LYST: variants seen among roughly 807,000 people sequenced by gnomAD.
LYST encodes the protein lysosomal-trafficking regulator.
In LYST, 192 loss-of-function variants were observed where a neutral mutation model predicts 413.6. The observed-to-expected ratio is 0.46, with a 90% confidence interval of 0.41 to 0.52. The LOEUF is 0.52. Ranked by LOEUF, LYST falls within the 20% of genes least tolerant of loss-of-function variation. The probability of loss-of-function intolerance (pLI) is 0.00; values close to 1 mark genes in which losing one functional copy is unlikely to be tolerated. For missense variants in LYST, 3,815 were observed against 4,499.9 expected, an observed-to-expected ratio of 0.85 and a Z score of 4.35; for synonymous variants, 1,525 against 1,567.3, an observed-to-expected ratio of 0.97 and a Z score of 0.64.
rs1659445104 is a variant in LYST at position 235,677,153 on chromosome 1, C to A, written c.10976G>T (p.Ser3659Ile). Reference protein sequence around the residue: ...CYVQSLAGHKSPVTAVSASET... With the variant: ...CYVQSLAGHKIPVTAVSASET... The stretch of plus-strand genomic sequence containing the variant: ...ACTGGCAGAGACAGCTGTGACAGGG[C>A]TTTTGTGTCCCGCCAGACTTTGTAC... Residue 3659 changes from serine to isoleucine, a missense_variant, in exon 50 of 53, where the codon AGC becomes ATC. Ser to Ile is a moderately radical substitution (Grantham distance 142). Transcript: ENST00000389793. 5.6e-6 allele frequency: 9 copies of A among 1,613,766 alleles called. No homozygotes were observed. Among genetic ancestry groups the A allele is most frequent in the Non-Finnish European group, 7.6e-6 (9 of 1,179,856 alleles).
At chr1:235,701,395 C>T (rs1006794440) in intron 45 of LYST, among the ~76,000 whole-genome samples, 25 of 151,846 alleles carry the variant, frequency 1.6e-4, no homozygotes, top group Admixed American at 5.9e-4. Context: ...TTTGGGAGGC[C>T]GAGGCGGGCA....
At chr1:235,741,329 C>T in intron 31 of LYST, 93 bp downstream of exon 31, 3 of 1,068,818 alleles carry the variant, frequency 2.8e-6, no homozygotes, top group Non-Finnish European at 4.4e-6. Flanking sequence ...ATAAATTAGG[C>T]ATGAACATTC....
At chr1:235,707,971 T>C (rs1157371777) in intron 44 of LYST, among the ~76,000 whole-genome samples, 1 of 152,190 alleles carries the variant, frequency 6.6e-6, no homozygotes, top group African/African-American at 2.4e-5. Context: ...GCATTTCTTT[T>C]GATTATCATG....
intron 31 of LYST, among the ~76,000 whole-genome samples, chr1:235,739,736 A>C (rs944655276): frequency 3.3e-5 from 5 of 152,196 alleles, no homozygotes; most frequent in Non-Finnish European, 5.9e-5. Context: ...CTATTTTGTA[A>C]CTCTTTAATG....
In LYST at chr1:235,733,463, C is replaced by G. The variant is rs569413983; in HGVS notation, c.8801+40G>C. The G allele has an allele frequency of 3.2e-5, 50 of 1,553,870 alleles. No individual in the cohort carries two copies. In the South Asian group the frequency reaches 5.3e-4, roughly 17 times the overall value. Reference sequence around the variant, plus strand: ...TCCGTTTAACATCAATATCTTAAATCTTCATGGAAGACAATTTTAACTGAC... The same window carrying G: ...TCCGTTTAACATCAATATCTTAAATGTTCATGGAAGACAATTTTAACTGAC... On this transcript the variant is annotated intron_variant, in intron 34 of 52. Transcript: ENST00000389793.
rs568735610 is a variant in LYST at position 235,787,250 on chromosome 1, T to C, written c.4812A>G (p.Gln1604=). Residue 1604 remains glutamine (Q), a synonymous_variant, in exon 14 of 53, where the codon CAA becomes CAG. Coordinates refer to ENST00000389793, the MANE Select transcript of LYST (RefSeq NM_000081.4). Reference sequence around the variant, plus strand: ...TTTTCCCATGAATCCTCCTTTTCCCTTGGGGCTGCTGTAAGTAGGTGAGTA... The same window carrying C: ...TTTTCCCATGAATCCTCCTTTTCCCCTGGGGCTGCTGTAAGTAGGTGAGTA... ...HLVLTYLQQP[Q]GKRRIHGKIS... The C allele has an allele frequency of 8.1e-6, 13 of 1,613,804 alleles. No individual in the cohort carries two copies. The South Asian group carries it at 1.2e-4, about 15-fold the overall frequency.
Position 235,808,552 on chromosome 1 carries a change from A to G in LYST, c.2266T>C (p.Ser756Pro). 1 of 1,613,978 alleles carries G rather than the reference A, an allele frequency of 6.2e-7. No individual in the cohort carries two copies. The highest frequency in any genetic ancestry group is 8.5e-7 in the Non-Finnish European group (1 of 1,179,910). The part of the protein sequence containing the change: ...AHHCQHLSVT[S>P]AQSHVCSHHN... ...TGGCTACATACATGACTTTGAGCTGAAGTAACGCTTAGGTGTTGACAATGA... is the reference window on the plus strand; with the variant it reads ...TGGCTACATACATGACTTTGAGCTGGAGTAACGCTTAGGTGTTGACAATGA... The change falls in exon 5 of 53, where the codon TCA becomes CCA. Residue 756 changes from serine to proline, a missense_variant. Ser to Pro is a moderately conservative substitution (Grantham distance 74). This residue lies in a region of LYST where 1,648 missense variants were observed against 1,810.3 expected (regional missense o/e 0.91). Coordinates refer to ENST00000389793, the MANE Select transcript of LYST (RefSeq NM_000081.4).
chr1:235,709,393 A>C, intron 43 of LYST, 85 bp from the exon 44 acceptor site: 1 of 1,111,522 alleles, frequency 9.0e-7, no homozygotes, highest in Non-Finnish European at 1.3e-6. Flanking sequence ...AGTTCACAAA[A>C]ATAGCTGTTT....
chr1:235,751,303 TG>T lies in LYST; in HGVS notation c.7686del (p.Thr2563ProfsTer23). 6.2e-7 allele frequency: 1 copy of T among 1,613,700 alleles called. No homozygotes were observed. The highest frequency in any genetic ancestry group is 8.5e-7 in the Non-Finnish European group (1 of 1,179,640). On this transcript the variant is annotated frameshift_variant, in exon 28 of 53. Coordinates refer to ENST00000389793, the MANE Select transcript of LYST (RefSeq NM_000081.4). LOFTEE classifies it high-confidence loss of function. ...VLQAAMEFIR[T>X]TANHDSENLT... Reference sequence around the variant, plus strand: ...AGGTTTTCAGAGTCATGATTTGCGGTGGTCCTTATAAATTCCATAGCAGCCT... The same window carrying T: ...AGGTTTTCAGAGTCATGATTTGCGGTGTCCTTATAAATTCCATAGCAGCCT...
chr1:235,782,165 T>A, intron 14 of LYST, 78 bp from the exon 15 acceptor site: 2 of 1,235,890 alleles, frequency 1.6e-6, no homozygotes, highest in Non-Finnish European at 2.3e-6. Flanking sequence ...TATGAATATT[T>A]AACAATGGGG....
chr1:235,874,953 C>G (rs985509636), intron 1 of LYST, among the ~76,000 whole-genome samples: 1 of 152,224 alleles, frequency 6.6e-6, no homozygotes, highest in African/African-American at 2.4e-5. Context: ...CTCCTCCAAC[C>G]AGCAGCATCA....
intron 28 of LYST, 76 bp downstream of exon 28, chr1:235,751,134 T>C (rs2103305215): frequency 7.5e-7 from 1 of 1,337,266 alleles, no homozygotes; most frequent in Non-Finnish European, 1.1e-6. Flanking sequence ...ATTTTAAAAG[T>C]GTGAATGGCA....
chr1:235,684,197 C>T (rs536927033), intron 48 of LYST, among the ~76,000 whole-genome samples: 30 of 152,096 alleles, frequency 2.0e-4, no homozygotes, highest in Non-Finnish European at 3.5e-4. Flanking sequence ...TCAAAGCTAT[C>T]CTGTGCACAA....
intron 1 of LYST, among the ~76,000 whole-genome samples, chr1:235,848,564 T>A (rs1678159808): frequency 6.6e-6 from 1 of 151,240 alleles, no homozygotes; most frequent in African/African-American, 2.4e-5. Flanking sequence ...ACAAAAAAAA[T>A]ACAAAAGATA....
intron 1 of LYST, among the ~76,000 whole-genome samples, chr1:235,844,923 G>C (rs1176463470): frequency 2.6e-5 from 4 of 152,156 alleles, no homozygotes; most frequent in South Asian, 2.1e-4. Context: ...TACTAGATGT[G>C]TTAAGCAATA....
At chr1:235,685,288 G>A (rs148930165) in intron 48 of LYST, among the ~76,000 whole-genome samples, 15 of 152,110 alleles carry the variant, frequency 9.9e-5, no homozygotes, top group Non-Finnish European at 1.6e-4. Context: ...TCCTTAACCT[G>A]CCCTTCTTTG....
intron 1 of LYST, among the ~76,000 whole-genome samples, chr1:235,880,873 C>G (rs1379401723): frequency 2.6e-5 from 4 of 152,126 alleles, no homozygotes; most frequent in Admixed American, 6.5e-5. Context: ...CACCTGTAAT[C>G]CCAGCACTTT....
chr1:235,698,329 T>C (rs546752951), intron 45 of LYST, among the ~76,000 whole-genome samples: 48 of 152,320 alleles, frequency 3.2e-4, no homozygotes, highest in Non-Finnish European at 4.6e-4. Context: ...CACTGACGTA[T>C]AGACTATCTT....
At chr1:235,861,803 T>C (rs538612894) in intron 1 of LYST, among the ~76,000 whole-genome samples, 9 of 152,220 alleles carry the variant, frequency 5.9e-5, no homozygotes, top group Non-Finnish European at 1.3e-4. Context: ...CGGAGACTGA[T>C]AGACTTTTTA....
Sources: gnomAD v4.1 joint callset for allele counts (sites outside exome capture counted in the v4.1 genomes callset) on GRCh38, gnomAD v4.1.1 for gene constraint, gnomAD v4.1.1 regional missense constraint, MANE v1.5 for transcripts, NCBI Gene and HGNC (gene_info 2026-07-23, HGNC 2026-07-21) for gene names.